SOSTDC1: variants seen among roughly 807,000 people sequenced by gnomAD.
SOSTDC1 encodes the protein sclerostin domain-containing protein 1.
SOSTDC1 carries 7 observed loss-of-function variants against 15.1 expected under a neutral mutation model. The observed-to-expected ratio is 0.46, with a 90% CI of 0.26 to 0.87. The LOEUF (loss-of-function observed/expected upper bound fraction) is 0.87. Among genes scored for constraint, SOSTDC1 ranks in the 40% least tolerant of loss-of-function variants. The pLI, the probability that SOSTDC1 is intolerant of heterozygous loss-of-function variation, is 0.15. For missense variants in SOSTDC1, 242 were observed against 259.2 expected (o/e 0.93, Z 0.46); for synonymous variants, 94 against 93.2 (o/e 1.01, Z -0.05).
At position 16,462,872 on chromosome 7, in the gene SOSTDC1, C is replaced by A; in HGVS notation, c.297G>T (p.Val99=). 6.2e-7 allele frequency: 1 copy of A among 1,614,140 alleles called. No homozygotes were observed. The highest frequency in any genetic ancestry group is 8.5e-7 in the Non-Finnish European group (1 of 1,179,998). The change falls in exon 2 of 2, where the codon GTG becomes GTT. Residue 99 remains valine (V), a synonymous_variant. Transcript: ENST00000307068. ...CTSISPLKEL[V]CAGECLPLPV... ...GCAGGGGCAAGCACTCGCCAGCACACACCAGCTCCTTCAGAGGGCTGATGC... is the reference window on the plus strand; with the variant it reads ...GCAGGGGCAAGCACTCGCCAGCACAAACCAGCTCCTTCAGAGGGCTGATGC...
intron 1 of SOSTDC1, among the ~76,000 whole-genome samples, chr7:16,463,864 G>A (rs191784357): frequency 6.6e-6 from 1 of 152,094 alleles, no homozygotes. Context: ...GCTGTTTCTT[G>A]TTACATGCCT....
intron 1 of SOSTDC1, 83 bp from the exon 2 acceptor site, chr7:16,463,046 A>G: frequency 7.3e-7 from 1 of 1,364,218 alleles, no homozygotes; most frequent in Non-Finnish European, 9.8e-7. Context: ...TGACAAAAAT[A>G]ATAGGCAAAT....
chr7:16,465,726 G>T lies in SOSTDC1; in HGVS notation c.-58C>A. On this transcript the variant is annotated 5_prime_UTR_variant, in exon 1 of 2. Coordinates refer to ENST00000307068, the MANE Select transcript of SOSTDC1 (RefSeq NM_015464.3). ...GGTTAATTCTTTTGCTTCTGCTTCTGCACTGTAACTGTGAAATTCCTCCTC... is the reference window on the plus strand; with the variant it reads ...GGTTAATTCTTTTGCTTCTGCTTCTTCACTGTAACTGTGAAATTCCTCCTC... The T allele has an allele frequency of 1.4e-6, 2 of 1,458,574 alleles. No individual in the cohort carries two copies. Among genetic ancestry groups the T allele is most frequent in the Non-Finnish European group, 9.6e-7 (1 of 1,046,328 alleles). 90.4% of individuals were successfully genotyped at this position (1,458,574 alleles called of 1,614,324 possible).
rs1183313450 is a variant in SOSTDC1 at position 16,462,562 on chromosome 7, G to A, written c.607C>T (p.His203Tyr). The A allele has an allele frequency of 1.2e-5, 20 of 1,614,120 alleles. No homozygotes were observed. The highest frequency in any genetic ancestry group is 1.4e-5 in the Non-Finnish European group (17 of 1,179,984). Residue 203 changes from histidine (H) to tyrosine (Y), a missense_variant, in exon 2 of 2, where the codon CAC becomes TAC. Transcript: ENST00000307068. ...ERKRASKSSK[H>Y]SMS ...GAGTCTGAGTTCTAACTCATGCTGT[G>A]CTTGCTGGATTTGCTGGCTCTTTTC...
chr7:16,462,569 G>C lies in SOSTDC1; in HGVS notation c.600C>G (p.Ser200=). 1 of 1,614,116 alleles carries C rather than the reference G, an allele frequency of 6.2e-7. No homozygotes were observed. The highest frequency in any genetic ancestry group is 8.5e-7 in the Non-Finnish European group (1 of 1,179,988). ...HHRERKRASK[S]SKHSMS ...AGTTCTAACTCATGCTGTGCTTGCT[G>C]GATTTGCTGGCTCTTTTCCGCTCTC... The change falls in exon 2 of 2, where the codon TCC becomes TCG. Residue 200 remains serine (S), a synonymous_variant. Transcript: ENST00000307068.
chr7:16,463,426 T>C (rs1308496539), intron 1 of SOSTDC1, among the ~76,000 whole-genome samples: 1 of 152,162 alleles, frequency 6.6e-6, no homozygotes, highest in East Asian at 1.9e-4. Context: ...TGAGAAAAAA[T>C]GTGATAGCCA....
rs1214363318 is a variant in SOSTDC1, at chr7:16,462,079, A to G, written c.*469T>C. On this transcript the variant is annotated 3_prime_UTR_variant, in exon 2 of 2. Coordinates refer to ENST00000307068, the MANE Select transcript of SOSTDC1 (RefSeq NM_015464.3). Reference sequence around the variant, plus strand: ...CAAAGGAAGATCACTCATGGCTGCTAAACTGTTCCCATGAAGAGTACCAAA... The same window carrying G: ...CAAAGGAAGATCACTCATGGCTGCTGAACTGTTCCCATGAAGAGTACCAAA... The G allele has an allele frequency of 6.3e-6, 1 of 159,098 alleles. No homozygotes were observed. Among genetic ancestry groups the G allele is most frequent in the Non-Finnish European group, 1.4e-5 (1 of 71,668 alleles). 9.9% of individuals were successfully genotyped at this position (159,098 alleles called of 1,614,324 possible).
intron 1 of SOSTDC1, among the ~76,000 whole-genome samples, chr7:16,463,431 T>C (rs527859055): frequency 2.6e-5 from 4 of 152,318 alleles, no homozygotes; most frequent in African/African-American, 9.6e-5. Flanking sequence ...AAAAATGTGA[T>C]AGCCATTTAA....
At position 16,462,171 on chromosome 7, in the gene SOSTDC1, G is replaced by T. The variant is rs1344463023; in HGVS notation, c.*377C>A. The T allele has an allele frequency of 5.9e-6, 1 of 169,210 alleles. No individual in the cohort carries two copies. The allele number at this position is 169,210 out of a possible 1,614,324, so 10.5% of individuals were successfully genotyped here. Reference sequence around the variant, plus strand: ...CATATTTTTTTTAACCTGTTTTGAAGGAGTTTTGTTTAGGAGAGGGGATGG... The same window carrying T: ...CATATTTTTTTTAACCTGTTTTGAATGAGTTTTGTTTAGGAGAGGGGATGG... On this transcript the variant is annotated 3_prime_UTR_variant, in exon 2 of 2. Coordinates refer to ENST00000307068, the MANE Select transcript of SOSTDC1 (RefSeq NM_015464.3).
chr7:16,464,221 T>A, intron 1 of SOSTDC1: 1 of 901,966 alleles, frequency 1.1e-6, no homozygotes, highest in East Asian at 2.6e-5. Context: ...TAGACATGCA[T>A]GCATAGAAAT....
chr7:16,463,091 C>T (rs959890662), intron 1 of SOSTDC1, 128 bp from the exon 2 acceptor site: 2 of 898,240 alleles, frequency 2.2e-6, no homozygotes, highest in Admixed American at 3.1e-5. Flanking sequence ...TGAGCACCTA[C>T]TTTATTTTCA....
chr7:16,464,302 T>G (rs1275669809), intron 1 of SOSTDC1: 1 of 1,543,010 alleles, frequency 6.5e-7, no homozygotes, highest in Non-Finnish European at 8.8e-7. Flanking sequence ...TGCCTGATTC[T>G]GCCTCCAGCT....
At position 16,465,725 on chromosome 7, in the gene SOSTDC1, T is replaced by C. The variant is rs1781294131; in HGVS notation, c.-57A>G. Reference sequence around the variant, plus strand: ...TGGTTAATTCTTTTGCTTCTGCTTCTGCACTGTAACTGTGAAATTCCTCCT... The same window carrying C: ...TGGTTAATTCTTTTGCTTCTGCTTCCGCACTGTAACTGTGAAATTCCTCCT... On this transcript the variant is annotated 5_prime_UTR_variant, in exon 1 of 2. Transcript: ENST00000307068. 8.8e-6 allele frequency: 13 copies of C among 1,477,208 alleles called. No homozygotes were observed. The East Asian group carries it at 3.0e-4, about 34-fold the overall frequency. The allele number at this position is 1,477,208 out of a possible 1,614,324, so 91.5% of individuals were successfully genotyped here.
intron 1 of SOSTDC1, among the ~76,000 whole-genome samples, chr7:16,464,738 T>A (rs16878762): frequency 0.14 from 21,409 of 151,882 alleles, 2,328 homozygotes; most frequent in African/African-American, 0.29. Flanking sequence ...AAGTTAGGGG[T>A]AATTTGAATC....
Position 16,462,259 on chromosome 7 carries a change from G to A in SOSTDC1, c.*289C>T. ...TTTTAAAATATAATGATTCACTGAT[G>A]TTTATAGTATCAACAGTCTTTTAAG... On this transcript the variant is annotated 3_prime_UTR_variant, in exon 2 of 2. Coordinates refer to ENST00000307068, the MANE Select transcript of SOSTDC1 (RefSeq NM_015464.3). 1 of 323,554 alleles carries A rather than the reference G, an allele frequency of 3.1e-6. No homozygotes were observed. Among genetic ancestry groups the A allele is most frequent in the Non-Finnish European group, 5.7e-6 (1 of 175,390 alleles). The allele number at this position is 323,554 out of a possible 1,614,324, so 20.0% of individuals were successfully genotyped here. A position where few individuals can be genotyped will look rare whatever the true frequency, so the allele number is the denominator to read the frequency against.
chr7:16,465,425 A>C, intron 1 of SOSTDC1, 39 bp downstream of exon 1: 2 of 1,532,148 alleles, frequency 1.3e-6, no homozygotes, highest in South Asian at 1.1e-5. Flanking sequence ...ATGCTACCAG[A>C]AAAGAAAAAA....
intron 1 of SOSTDC1, chr7:16,464,399 C>A: frequency 1.3e-6 from 2 of 1,547,524 alleles, no homozygotes; most frequent in Non-Finnish European, 1.7e-6. Context: ...TGTGTATATA[C>A]AGATTTGGCA....
rs2128327131 is a variant in SOSTDC1, at chr7:16,462,199, C to T, written c.*349G>A. ...GTTTTGTTTAGGAGAGGGGATGGGC[C>T]AGTAGATGGAGGGTATCTGAGAAGC... On this transcript the variant is annotated 3_prime_UTR_variant, in exon 2 of 2. Transcript: ENST00000307068. 5.3e-6 allele frequency: 1 copy of T among 189,010 alleles called. No homozygotes were observed. Among genetic ancestry groups the T allele is most frequent in the Non-Finnish European group, 1.1e-5 (1 of 90,880 alleles). 11.7% of individuals were successfully genotyped at this position (189,010 alleles called of 1,614,324 possible). A position where few individuals can be genotyped will look rare whatever the true frequency, so the allele number is the denominator to read the frequency against.
In SOSTDC1 at chr7:16,462,937, G is replaced by A. The variant is rs757467019; in HGVS notation, c.232C>T (p.Leu78=). The A allele has an allele frequency of 3.2e-6, 5 of 1,579,454 alleles. No homozygotes were observed. The highest frequency in any genetic ancestry group is 1.8e-5 in the Admixed American group (1 of 56,670). ...TCAGAGATGTATTTGGTGGAACGCA[G>A]TTCCCGGCAACCCACTTGAACCCGA... ...NTRVQVGCRE[L]RSTKYISDGQ... The change falls in exon 2 of 2, where the codon CTG becomes TTG. Residue 78 remains leucine (L), a synonymous_variant. Coordinates refer to ENST00000307068, the MANE Select transcript of SOSTDC1 (RefSeq NM_015464.3).
Sources: allele counts gnomAD v4.1 joint callset (sites outside exome capture counted in the v4.1 genomes callset), GRCh38; gene constraint gnomAD v4.1.1; transcripts MANE v1.5; gene names NCBI Gene and HGNC (gene_info 2026-07-23, HGNC 2026-07-21).